The following RARB variants were observed in gnomAD, a reference collection of about 807,000 sequenced individuals.
RARB encodes the protein retinoic acid receptor beta.
A neutral mutation model predicts 51.9 loss-of-function variants in RARB; 17 were observed. The ratio of observed to expected loss-of-function variants is 0.33; its 90% CI spans 0.22 to 0.49. RARB has a LOEUF of 0.49. Among genes scored for constraint, RARB ranks in the 20% least tolerant of loss-of-function variants. RARB has a pLI of 0.99. For missense variants in RARB, 369 were observed against 550.8 expected, an observed-to-expected ratio of 0.67 and a Z score of 3.30; for synonymous variants, 215 against 195.4, an observed-to-expected ratio of 1.10 and a Z score of -0.84.
chr3:25,357,416 T>C (rs144473687), intron 5 of RARB, among the ~76,000 whole-genome samples: 5,341 of 152,318 alleles, frequency 0.035, 126 homozygotes, highest in Middle Eastern at 0.065. Context: ...TATTAGCCCT[T>C]TGTCAGATGG....
At chr3:24,866,273 C>T (rs146209356) in intron 2 of RARB, among the ~76,000 whole-genome samples, 234 of 152,178 alleles carry the variant, frequency 1.5e-3, no homozygotes, top group Middle Eastern at 0.014. Context: ...TTTGCACATA[C>T]CATTTCTCTG....
chr3:25,051,268 G>C (rs1698326993), intron 2 of RARB, among the ~76,000 whole-genome samples: 1 of 152,130 alleles, frequency 6.6e-6, no homozygotes, highest in Non-Finnish European at 1.5e-5. Context: ...GGGAGGAATA[G>C]AAACGTGTAA....
At chr3:25,144,798 T>C (rs891288844) in intron 4 of RARB, among the ~76,000 whole-genome samples, 1 of 152,202 alleles carries the variant, frequency 6.6e-6, no homozygotes, top group African/African-American at 2.4e-5. Context: ...GATCAGCCCG[T>C]ATACCTCGAG....
chr3:24,921,113 T>C (rs1276183749), intron 2 of RARB, among the ~76,000 whole-genome samples: 1 of 152,120 alleles, frequency 6.6e-6, no homozygotes, highest in Admixed American at 6.6e-5. Flanking sequence ...TCTTAACTAG[T>C]ATATGCTGAA....
At chr3:25,367,938 T>A (rs1706177778) in intron 5 of RARB, among the ~76,000 whole-genome samples, 1 of 152,146 alleles carries the variant, frequency 6.6e-6, no homozygotes, top group African/African-American at 2.4e-5. Flanking sequence ...ACAATACTGT[T>A]TCATGCACTG....
chr3:24,957,683 T>C (rs1470249954), intron 2 of RARB, among the ~76,000 whole-genome samples: 1 of 152,232 alleles, frequency 6.6e-6, no homozygotes, highest in Admixed American at 6.5e-5. Flanking sequence ...TTGCCAATTA[T>C]TAGCATTTTC....
At chr3:25,180,873 G>A (rs1700846986) in intron 5 of RARB, among the ~76,000 whole-genome samples, 1 of 152,170 alleles carries the variant, frequency 6.6e-6, no homozygotes, top group South Asian at 2.1e-4. Flanking sequence ...CAATGGTCAG[G>A]TGGTACCATC....
chr3:25,052,564 A>C (rs1038212867), intron 2 of RARB, among the ~76,000 whole-genome samples: 3 of 152,194 alleles, frequency 2.0e-5, no homozygotes, highest in Admixed American at 2.0e-4. Flanking sequence ...AAAAACTAAA[A>C]TAGGGTAGGA....
intron 2 of RARB, among the ~76,000 whole-genome samples, chr3:24,992,005 TG>T (rs1166531010): frequency 6.6e-6 from 1 of 152,084 alleles, no homozygotes; most frequent in East Asian, 1.9e-4. Context: ...ACCCCTTGCC[TG>T]GGTAGTCTGT....
chr3:25,304,813 A>T (rs1011081477), intron 5 of RARB, among the ~76,000 whole-genome samples: 20 of 152,196 alleles, frequency 1.3e-4, no homozygotes, highest in African/African-American at 4.8e-4. Context: ...AAAGCTCTCT[A>T]ATGGCCTCCA....
chr3:25,200,983 T>C (rs1701375601), intron 5 of RARB, among the ~76,000 whole-genome samples: 1 of 152,196 alleles, frequency 6.6e-6, no homozygotes, highest in South Asian at 2.1e-4. Flanking sequence ...GTGAAGAAAG[T>C]CATTGGTAGA....
intron 2 of RARB, among the ~76,000 whole-genome samples, chr3:25,024,227 T>A (rs375322515): frequency 2.0e-5 from 3 of 152,324 alleles, no homozygotes; most frequent in Admixed American, 6.5e-5. Flanking sequence ...AAACTTTAGA[T>A]CTGTCTTTTC....
intron 2 of RARB, among the ~76,000 whole-genome samples, chr3:24,981,781 A>T (rs1696680083): frequency 6.6e-6 from 1 of 152,040 alleles, no homozygotes. Flanking sequence ...CTCACCTTCC[A>T]TGTGCTGTAC....
At chr3:25,010,857 A>G (rs1697380328) in intron 2 of RARB, among the ~76,000 whole-genome samples, 1 of 152,084 alleles carries the variant, frequency 6.6e-6, no homozygotes, top group Non-Finnish European at 1.5e-5. Context: ...TCTTTTTGAT[A>G]TTCATGTAAT....
chr3:25,262,739 CG>C (rs1703033434), intron 5 of RARB, among the ~76,000 whole-genome samples: 1 of 152,124 alleles, frequency 6.6e-6, no homozygotes, highest in Admixed American at 6.6e-5. Flanking sequence ...TAAGGTCAGC[CG>C]GTTAGCAAGC....
chr3:25,329,963 G>A (rs1704842287), intron 5 of RARB, among the ~76,000 whole-genome samples: 1 of 152,074 alleles, frequency 6.6e-6, no homozygotes, highest in East Asian at 1.9e-4. Context: ...GAAGTTTAGA[G>A]AAAAATTAAT....
Position 24,891,850 on chromosome 3 carries a change from T to C in RARB, c.-380+33098T>C, listed in dbSNP as rs187662509. On this transcript the variant is annotated intron_variant, in intron 2 of 11. Coordinates refer to the RARB transcript ENST00000383772. ...CATTAAAGGACCTGGGGCGGCCATC[T>C]TCAGGCTGCCTAGAGCCCGGGGCAT... Among the ~76,000 whole-genome samples, 505 of 150,272 alleles carry C rather than the reference T, an allele frequency of 3.4e-3. 10 individuals are homozygous for C. Among genetic ancestry groups the C allele is most frequent in the Admixed American group, 0.032 (472 of 14,888 alleles).
Position 25,083,959 on chromosome 3 carries a change from T to C in RARB, c.-328+23783T>C, listed in dbSNP as rs546877247. ...TTTTATCCACTCCGACAAACTGAAA[T>C]GTTGTCCAGTACTGTGTGGCTTTTG... is the stretch of plus-strand genomic sequence containing the variant. On this transcript the variant is annotated intron_variant, in intron 3 of 11. Coordinates refer to the RARB transcript ENST00000383772. 1.1e-4 allele frequency among the ~76,000 whole-genome samples: 16 copies of C among 152,280 alleles called. No individual in the cohort carries two copies. The South Asian group carries it at 1.5e-3, about 14-fold the overall frequency.
intron 2 of RARB, among the ~76,000 whole-genome samples, chr3:24,992,981 TG>T (rs1349321257): frequency 6.6e-6 from 1 of 152,204 alleles, no homozygotes; most frequent in African/African-American, 2.4e-5. Context: ...TGAAAAATTT[TG>T]AGACATATTT....
Sources: gnomAD v4.1 joint callset for allele counts (sites outside exome capture counted in the v4.1 genomes callset) on GRCh38, gnomAD v4.1.1 for gene constraint, MANE v1.5 for transcripts, NCBI Gene and HGNC (gene_info 2026-07-23, HGNC 2026-07-21) for gene names.